Variants in GABRR1 observed in about 807,000 individuals in gnomAD.
The protein encoded by GABRR1 is gamma-aminobutyric acid receptor subunit rho-1.
Under a neutral mutation model 55.5 loss-of-function variants are expected in GABRR1, and 59 were observed. The observed-to-expected ratio is 1.06, with a 90% confidence interval of 0.86 to 1.32. GABRR1 has a LOEUF of 1.32. Among genes scored for constraint, GABRR1 ranks in the 40% most tolerant of loss-of-function variants. GABRR1 has a pLI of 0.00. For synonymous variants in GABRR1, 213 were observed against 226.0 expected, an observed-to-expected ratio of 0.94 and a Z score of 0.51; for missense variants, 602 against 619.1, an observed-to-expected ratio of 0.97 and a Z score of 0.29.
chr6:89,198,129 C>T lies in GABRR1; in HGVS notation c.463G>A (p.Val155Ile), dbSNP rs752895746. Residue 155 changes from valine to isoleucine, a missense_variant, in exon 5 of 10, where the codon GTC (valine) becomes ATC (isoleucine). Transcript: ENST00000454853. ...GAGTGCACGAAAAACATGTCAGGGA[C>T]CCAGATCTTCTTGACCAGCCGGCCG... ...FDGRLVKKIW[V>I]PDMFFVHSKR... 1.9e-6 allele frequency: 3 copies of T among 1,614,068 alleles called. No individual in the cohort carries two copies. The highest frequency in any genetic ancestry group is 1.7e-5 in the Admixed American group (1 of 60,010).
intron 1 of GABRR1, among the ~76,000 whole-genome samples, chr6:89,226,639 C>G (rs1773207930): frequency 9.7e-6 from 1 of 102,822 alleles, no homozygotes; most frequent in Admixed American, 9.9e-5. Context: ...TGTTTTGGTA[C>G]CAGTACCATG....
chr6:89,183,031 T>C (rs938958783), intron 7 of GABRR1, among the ~76,000 whole-genome samples: 18 of 151,990 alleles, frequency 1.2e-4, no homozygotes, highest in African/African-American at 3.9e-4. Context: ...AAACACAACA[T>C]TGTATTTAGG....
chr6:89,192,238 C>T (rs924778579), intron 5 of GABRR1, among the ~76,000 whole-genome samples: 3 of 152,094 alleles, frequency 2.0e-5, no homozygotes, highest in East Asian at 1.9e-4. Flanking sequence ...CTCACTCCCA[C>T]GACTGGGCGC....
chr6:89,194,223 G>A (rs910899625), intron 5 of GABRR1, among the ~76,000 whole-genome samples: 8 of 152,276 alleles, frequency 5.3e-5, no homozygotes, highest in Non-Finnish European at 7.3e-5. Flanking sequence ...AGAATATTCT[G>A]TAGGTCCCCT....
chr6:89,219,688 C>T (rs182441031), upstream of GABRR1, among the ~76,000 whole-genome samples: 71 of 152,292 alleles, frequency 4.7e-4, no homozygotes, highest in Non-Finnish European at 8.7e-4. Context: ...GATGTTAACA[C>T]GTAGCAAACT....
chr6:89,212,366 T>A lies in GABRR1; in HGVS notation c.122+4835A>T, dbSNP rs145949794. 4.3e-5 allele frequency among the ~76,000 whole-genome samples: 2 copies of A among 46,974 alleles called. 1 individual carries two copies. The highest frequency in any genetic ancestry group is 1.1e-4 in the Non-Finnish European group (2 of 18,526). The allele number at this position is 46,974 out of a possible 152,430, so 30.8% of individuals were successfully genotyped here. A position where few individuals can be genotyped will look rare whatever the true frequency, so the allele number is the denominator to read the frequency against. On this transcript the variant is annotated intron_variant, in intron 1 of 9. Transcript: ENST00000454853. ...GTCATAGACTCTGGATTACTTTCTCTGTTTCCCCTCTATCCCCCTTCCTGG... is the reference window on the plus strand; with the variant it reads ...GTCATAGACTCTGGATTACTTTCTCAGTTTCCCCTCTATCCCCCTTCCTGG...
At chr6:89,219,558 C>T (rs949915674), upstream of GABRR1, among the ~76,000 whole-genome samples, 1 of 152,130 alleles carries the variant, frequency 6.6e-6, no homozygotes, top group Non-Finnish European at 1.5e-5. Flanking sequence ...AAATAGATTA[C>T]TGGGTGTTCT....
intron 6 of GABRR1, among the ~76,000 whole-genome samples, chr6:89,187,817 C>T (rs7751440): frequency 0.18 from 27,869 of 152,094 alleles, 2,695 homozygotes; most frequent in Admixed American, 0.26. Flanking sequence ...TTTTTAAGGC[C>T]GAACACTCTT....
chr6:89,193,426 C>T (rs772549871), intron 5 of GABRR1, among the ~76,000 whole-genome samples: 5 of 151,944 alleles, frequency 3.3e-5, no homozygotes, highest in African/African-American at 1.2e-4. Flanking sequence ...AAACTCATCA[C>T]TTTATTTGCA....
At chr6:89,206,706 C>T (rs980889596) in intron 1 of GABRR1, among the ~76,000 whole-genome samples, 6 of 152,026 alleles carry the variant, frequency 3.9e-5, no homozygotes, top group Admixed American at 6.5e-5. Context: ...GCCTCAACCT[C>T]CTAGGCTAAA....
Position 89,217,309 on chromosome 6 carries a change from G to A in GABRR1, c.14C>T (p.Pro5Leu). ...AAGAAAGATGCCAAATCTCATATTT[G>A]GGACAGCCAACATGGGTTTCCAAAT... MLAV[P>L]NMRFGIFLLW... Residue 5 changes from proline to leucine, a missense_variant, in exon 1 of 10, where the codon CCA becomes CTA. By Grantham distance (98) the Pro-to-Leu change is moderately conservative. Transcript: ENST00000454853. 1 of 1,614,026 alleles carries A rather than the reference G, an allele frequency of 6.2e-7. No individual in the cohort carries two copies. Among genetic ancestry groups the A allele is most frequent in the South Asian group, 1.1e-5 (1 of 91,060 alleles).
upstream of GABRR1, chr6:89,217,857 G>A (rs1420694276): frequency 1.3e-5 from 2 of 153,300 alleles, no homozygotes; most frequent in South Asian, 2.0e-4. Flanking sequence ...CCCAGGGCTC[G>A]GTACCTGCGT....
In GABRR1 at chr6:89,183,654, T is replaced by C. The variant is rs530633917; in HGVS notation, c.797-1597A>G. Among the ~76,000 whole-genome samples, 24 of 150,258 alleles carry C rather than the reference T, an allele frequency of 1.6e-4. No homozygotes were observed. The South Asian group carries it at 4.0e-3, about 25-fold the overall frequency. On this transcript the variant is annotated intron_variant, in intron 7 of 9. Coordinates refer to ENST00000454853, the MANE Select transcript of GABRR1 (RefSeq NM_002042.5). The stretch of plus-strand genomic sequence containing the variant: ...TGGATATGAATGAATATGGTATATA[T>C]ACACCATGGAATACCACTCTTCCAT...
chr6:89,231,091 AG>A (rs1357086921), intron 1 of GABRR1: 2 of 152,180 alleles, frequency 1.3e-5, no homozygotes, highest in Admixed American at 6.5e-5. Flanking sequence ...TGCGCTTCCC[AG>A]GTGAGGCAAT....
chr6:89,225,994 T>C (rs1773194865), intron 1 of GABRR1, among the ~76,000 whole-genome samples: 1 of 151,578 alleles, frequency 6.6e-6, no homozygotes, highest in South Asian at 2.1e-4. Flanking sequence ...GTGGTCTTGA[T>C]TTGCATTTCT....
intron 6 of GABRR1, among the ~76,000 whole-genome samples, chr6:89,189,943 G>T (rs1226470643): frequency 6.6e-6 from 1 of 152,180 alleles, no homozygotes; most frequent in East Asian, 1.9e-4. Context: ...CTACTCGGGA[G>T]GCTGAGGCAG....
chr6:89,222,720 T>C (rs1432309016), intron 1 of GABRR1, among the ~76,000 whole-genome samples: 1 of 152,168 alleles, frequency 6.6e-6, no homozygotes, highest in East Asian at 1.9e-4. Flanking sequence ...TACTTATTAA[T>C]TTACGATCAT....
Position 89,179,077 on chromosome 6 carries a change from A to G in GABRR1, c.1147-14T>C. On this transcript the variant is annotated splice_polypyrimidine_tract_variant and intron_variant, in intron 9 of 9. Coordinates refer to ENST00000454853, the MANE Select transcript of GABRR1 (RefSeq NM_002042.5). ...GGTGCAGGGAAGCTGCAAACAGTAA[A>G]CACATGTTGGGGTGTGAGCTCAGCA... 1 of 1,610,458 alleles carries G rather than the reference A, an allele frequency of 6.2e-7. No homozygotes were observed. Among genetic ancestry groups the G allele is most frequent in the East Asian group, 2.2e-5 (1 of 44,856 alleles).
At chr6:89,215,279 A>G (rs1354448609) in intron 1 of GABRR1, among the ~76,000 whole-genome samples, 2 of 152,278 alleles carry the variant, frequency 1.3e-5, no homozygotes, top group African/African-American at 2.4e-5. Context: ...CAGTCAAGTT[A>G]TAGAAACAAC....
Sources: gnomAD v4.1 joint callset for allele counts (sites outside exome capture counted in the v4.1 genomes callset) on GRCh38, gnomAD v4.1.1 for gene constraint, MANE v1.5 for transcripts, NCBI Gene and HGNC (gene_info 2026-07-23, HGNC 2026-07-21) for gene names.